GSDME: variants seen among roughly 807,000 people sequenced by gnomAD.
GSDME encodes the protein gasdermin E.
Under a neutral mutation model 47.5 loss-of-function variants are expected in GSDME, and 44 were observed. The ratio of observed to expected loss-of-function variants is 0.93; its 90% CI spans 0.73 to 1.19. The LOEUF is 1.19. GSDME is among the 50% of genes most tolerant of loss of function. The pLI is 0.00. For missense variants in GSDME, 663 were observed against 604.2 expected, an observed-to-expected ratio of 1.10 and a Z score of -1.02; for synonymous variants, 258 against 252.8, an observed-to-expected ratio of 1.02 and a Z score of -0.20.
chr7:24,792,783 T>A, the GSDME span, among the ~76,000 whole-genome samples: 1 of 152,062 alleles, frequency 6.6e-6, no homozygotes, highest in Non-Finnish European at 1.5e-5. Flanking sequence ...GTAGGGTCCT[T>A]CCCAGGCTGG....
chr7:24,725,888 G>A lies in GSDME; in HGVS notation c.405-6670C>T, dbSNP rs555285188. 1.1e-4 allele frequency among the ~76,000 whole-genome samples: 17 copies of A among 152,132 alleles called. No homozygotes were observed. Among genetic ancestry groups the A allele is most frequent in the Non-Finnish European group, 2.2e-4 (15 of 68,024 alleles). ...GGGTGGTCCCCTCCCTTAAGGAAGT[G>A]GACCCTCAAAGCAATTAAGAGCATG... On this transcript the variant is annotated intron_variant, in intron 3 of 9. Transcript: ENST00000645220. The surrounding 1 kb of genome is among the most constrained non-coding windows in gnomAD (Gnocchi z 5.1).
At chr7:24,779,498 G>GGTGTGTGT in the GSDME span, among the ~76,000 whole-genome samples, 2,323 of 143,026 alleles carry the variant, frequency 0.016, 54 homozygotes, top group African/African-American at 0.036. The surrounding 1 kb of genome is among the most constrained non-coding windows in gnomAD (Gnocchi z 6.0). Flanking sequence ...AGTGATACAT[G>GGTGTGTGT]GTGTGTGTGT....
intron 7 of GSDME, among the ~76,000 whole-genome samples, 166 bp from the exon 8 acceptor site, chr7:24,706,542 A>G (rs1304202934): frequency 6.6e-6 from 1 of 152,226 alleles, no homozygotes; most frequent in African/African-American, 2.4e-5. Flanking sequence ...CTTGGTGGCT[A>G]CATTTCACTG....
rs1315079911 is a variant in GSDME, at chr7:24,745,798, C to T, written c.212-1044G>A. Among the ~76,000 whole-genome samples, 2 of 152,144 alleles carry T rather than the reference C, an allele frequency of 1.3e-5. No homozygotes were observed. The highest frequency in any genetic ancestry group is 2.9e-5 in the Non-Finnish European group (2 of 68,024). On this transcript the variant is annotated intron_variant, in intron 2 of 9. Coordinates refer to ENST00000645220, the MANE Select transcript of GSDME (RefSeq NM_001127453.2). This position sits in a 1 kb window ranked among gnomAD's most constrained non-coding sequence, Gnocchi z 4.4. Reference sequence around the variant, plus strand: ...GGTTACAAGTGAGCAATGATCATGCCACTGCACGCCAGCCTGGGTGACAGA... The same window carrying T: ...GGTTACAAGTGAGCAATGATCATGCTACTGCACGCCAGCCTGGGTGACAGA...
At chr7:24,790,591 G>A in the GSDME span, among the ~76,000 whole-genome samples, 2 of 152,138 alleles carry the variant, frequency 1.3e-5, no homozygotes, top group Non-Finnish European at 2.9e-5. This position sits in a 1 kb window ranked among gnomAD's most constrained non-coding sequence, Gnocchi z 4.1. Flanking sequence ...GTCCAGTCCC[G>A]GTGGGACTCC....
At chr7:24,768,396 T>C in the GSDME span, among the ~76,000 whole-genome samples, 1 of 152,098 alleles carries the variant, frequency 6.6e-6, no homozygotes, top group Admixed American at 6.6e-5. The surrounding 1 kb of genome is among the most constrained non-coding windows in gnomAD (Gnocchi z 5.6). Flanking sequence ...GGAACTGAGA[T>C]TGTAAAGATC....
Position 24,725,573 on chromosome 7 carries a change from G to C in GSDME, c.405-6355C>G, listed in dbSNP as rs962275818. 1.8e-4 allele frequency among the ~76,000 whole-genome samples: 28 copies of C among 152,174 alleles called. No homozygotes were observed. The highest frequency in any genetic ancestry group is 7.3e-5 in the Non-Finnish European group (5 of 68,036). On this transcript the variant is annotated intron_variant, in intron 3 of 9. Transcript: ENST00000645220. This position sits in a 1 kb window ranked among gnomAD's most constrained non-coding sequence, Gnocchi z 5.1. Reference sequence around the variant, plus strand: ...CCGTTTAAGGGCTCACAACTCTAAGGGGGTGCGCATGAGAGGGTCGTGATC... The same window carrying C: ...CCGTTTAAGGGCTCACAACTCTAAGCGGGTGCGCATGAGAGGGTCGTGATC...
the GSDME span, among the ~76,000 whole-genome samples, chr7:24,781,939 T>A: frequency 6.6e-6 from 1 of 152,142 alleles, no homozygotes; most frequent in Admixed American, 6.5e-5. Flanking sequence ...AGAAAGGATG[T>A]CTTGCTATGT....
chr7:24,793,510 T>G, the GSDME span, among the ~76,000 whole-genome samples: 3 of 152,218 alleles, frequency 2.0e-5, no homozygotes, highest in African/African-American at 7.2e-5. Context: ...TATATTTTAC[T>G]TTTCTTACAC....
intron 3 of GSDME, among the ~76,000 whole-genome samples, chr7:24,738,044 G>C (rs1398851697): frequency 1.3e-5 from 2 of 152,090 alleles, no homozygotes; most frequent in African/African-American, 4.8e-5. Flanking sequence ...AAAACTGAAA[G>C]CCTTTCCTCT....
chr7:24,703,032 C>T (rs1788938694), intron 8 of GSDME, 199 bp from the exon 9 acceptor site: 10 of 521,726 alleles, frequency 1.9e-5, no homozygotes, highest in South Asian at 1.8e-4. Flanking sequence ...TGTAGGAACC[C>T]AGCTGCCAGC....
At chr7:24,778,459 T>C in the GSDME span, among the ~76,000 whole-genome samples, 1 of 152,048 alleles carries the variant, frequency 6.6e-6, no homozygotes, top group African/African-American at 2.4e-5. This position sits in a 1 kb window ranked among gnomAD's most constrained non-coding sequence, Gnocchi z 5.6. Context: ...ATGGAAGACT[T>C]TTTATTTTGT....
At chr7:24,709,464 T>G (rs532533029) in intron 6 of GSDME, among the ~76,000 whole-genome samples, 22 of 152,346 alleles carry the variant, frequency 1.4e-4, no homozygotes, top group African/African-American at 5.1e-4. Flanking sequence ...ACGGACATTT[T>G]TGCTACAAAA....
chr7:24,707,871 A>T, intron 7 of GSDME: 1 of 576,442 alleles, frequency 1.7e-6, no homozygotes, highest in Non-Finnish European at 3.1e-6. Flanking sequence ...TTTGGGCTCC[A>T]AAACTATGAG....
At chr7:24,778,529 T>C in the GSDME span, among the ~76,000 whole-genome samples, 4 of 152,210 alleles carry the variant, frequency 2.6e-5, no homozygotes, top group Admixed American at 2.6e-4. The surrounding 1 kb of genome is among the most constrained non-coding windows in gnomAD (Gnocchi z 5.6). Context: ...TCACAGGACT[T>C]CCCAATACTA....
At chr7:24,710,164 T>A in intron 6 of GSDME, 60 bp downstream of exon 6, 1 of 1,579,146 alleles carries the variant, frequency 6.3e-7, no homozygotes, top group Non-Finnish European at 8.7e-7. Flanking sequence ...ACACCACCTC[T>A]TGGGATACAG....
Position 24,698,921 on chromosome 7 carries a change from T to C in GSDME, c.*105A>G. ...AAAATGTCACCACTTCTTAAACTGTTCTGTAAATTCATTTCATTGGTCAAC... is the reference window on the plus strand; with the variant it reads ...AAAATGTCACCACTTCTTAAACTGTCCTGTAAATTCATTTCATTGGTCAAC... On this transcript the variant is annotated 3_prime_UTR_variant, in exon 10 of 10. Coordinates refer to ENST00000645220, the MANE Select transcript of GSDME (RefSeq NM_001127453.2). 1 of 844,562 alleles carries C rather than the reference T, an allele frequency of 1.2e-6. No homozygotes were observed. The highest frequency in any genetic ancestry group is 2.0e-6 in the Non-Finnish European group (1 of 503,876). 52.3% of individuals were successfully genotyped at this position (844,562 alleles called of 1,614,324 possible). A position where few individuals can be genotyped will look rare whatever the true frequency, so the allele number is the denominator to read the frequency against.
At chr7:24,701,915 T>C (rs1014362699) in intron 9 of GSDME, among the ~76,000 whole-genome samples, 1 of 152,102 alleles carries the variant, frequency 6.6e-6, no homozygotes, top group Non-Finnish European at 1.5e-5. Flanking sequence ...GTTCCCAGAG[T>C]AGATGTATAC....
chr7:24,765,600 T>A, the GSDME span, among the ~76,000 whole-genome samples: 5 of 152,264 alleles, frequency 3.3e-5, no homozygotes, highest in Non-Finnish European at 7.3e-5. Context: ...GCCCTTTTTC[T>A]GTCCTTCAAT....
Sources: gnomAD v4.1 joint callset for allele counts (sites outside exome capture counted in the v4.1 genomes callset) on GRCh38, gnomAD v4.1.1 for gene constraint, Gnocchi (gnomAD v3.1) non-coding constraint, MANE v1.5 for transcripts, NCBI Gene and HGNC (gene_info 2026-07-23, HGNC 2026-07-21) for gene names.